SCTR: variants seen among roughly 807,000 people sequenced by gnomAD.
SCTR encodes the protein pancreatic secretin receptor.
In SCTR, 56 loss-of-function variants were observed where a neutral mutation model predicts 60.8. That is an observed-to-expected ratio of 0.92 (90% CI 0.74 to 1.15). The LOEUF is 1.15. Ranked by LOEUF, SCTR falls within the 50% of genes most tolerant of loss-of-function variation. The pLI, the probability that SCTR is intolerant of heterozygous loss-of-function variation, is 0.00. For synonymous variants in SCTR, 202 were observed against 217.0 expected, an observed-to-expected ratio of 0.93 and a Z score of 0.61; for missense variants, 562 against 550.4, an observed-to-expected ratio of 1.02 and a Z score of -0.21.
chr2:119,494,470 T>C lies in SCTR; in HGVS notation c.151A>G (p.Arg51Gly). 6.2e-7 allele frequency: 1 copy of C among 1,614,018 alleles called. No homozygotes were observed. The highest frequency in any genetic ancestry group is 8.5e-7 in the Non-Finnish European group (1 of 1,179,924). ...EQDQCLQELS[R>G]EQTGDLGTEQ... The stretch of plus-strand genomic sequence containing the variant: ...GTGCCCAGGTCTCCTGTCTGCTCTC[T>C]GGAGAGTTCCTGCAGGCACTGGTCT... The change falls in exon 2 of 13, where the codon AGA becomes GGA. Residue 51 changes from arginine to glycine, a missense_variant. Arg to Gly is a moderately radical substitution (Grantham distance 125). Transcript: ENST00000019103.
Position 119,464,213 on chromosome 2 carries a change from G to A in SCTR, c.546C>T (p.Phe182=), listed in dbSNP as rs563014852. 63 of 1,614,170 alleles carry A rather than the reference G, an allele frequency of 3.9e-5. No individual in the cohort carries two copies. The East Asian group carries it at 8.7e-4, about 22-fold the overall frequency. Residue 182 remains phenylalanine, a synonymous_variant, in exon 6 of 13, where the codon TTC becomes TTT. Coordinates refer to ENST00000019103, the MANE Select transcript of SCTR (RefSeq NM_002980.3). ...ACAGGGCACGAAGGATGAAGGACACGAACAGGTGCATGTGGATGTAGTTGC... is the reference window on the plus strand; with the variant it reads ...ACAGGGCACGAAGGATGAAGGACACAAACAGGTGCATGTGGATGTAGTTGC... ...CTRNYIHMHL[F]VSFILRALSN...
At chr2:119,511,041 C>T (rs1310086287) in intron 1 of SCTR, among the ~76,000 whole-genome samples, 1 of 143,218 alleles carries the variant, frequency 7.0e-6, no homozygotes, top group Non-Finnish European at 1.5e-5. Context: ...ACTAAAAATA[C>T]AAAAAAAAAA....
At chr2:119,494,393 C>A in intron 2 of SCTR, 35 bp downstream of exon 2, 2 of 1,608,742 alleles carry the variant, frequency 1.2e-6, no homozygotes, top group Non-Finnish European at 1.7e-6. Flanking sequence ...TGCTCCACCC[C>A]CAAGAGAGGA....
intron 1 of SCTR, among the ~76,000 whole-genome samples, chr2:119,521,393 C>A (rs1679282127): frequency 6.6e-6 from 1 of 152,148 alleles, no homozygotes; most frequent in Non-Finnish European, 1.5e-5. Context: ...GTGACAGACT[C>A]TAGGGATGAA....
intron 2 of SCTR, among the ~76,000 whole-genome samples, chr2:119,485,506 CTATT>C (rs1486038286): frequency 6.6e-6 from 1 of 152,192 alleles, no homozygotes; most frequent in African/African-American, 2.4e-5. Context: ...CTCCAGTCCT[CTATT>C]TATAAATAAG....
chr2:119,503,158 CAAAAAAAAAA>C (rs61479294), intron 1 of SCTR, among the ~76,000 whole-genome samples: 1 of 69,584 alleles, frequency 1.4e-5, no homozygotes, highest in African/African-American at 4.5e-5. Context: ...GACTCCATCT[CAAAAAAAAAA>C]AAAAAAAAAT....
chr2:119,497,132 T>C (rs751244055), intron 1 of SCTR, among the ~76,000 whole-genome samples: 10 of 152,098 alleles, frequency 6.6e-5, no homozygotes, highest in Admixed American at 1.3e-4. Context: ...AATGGAGAGT[T>C]GGGGTTTCCA....
chr2:119,494,413 T>C lies in SCTR; in HGVS notation c.193+15A>G. On this transcript the variant is annotated intron_variant, in intron 2 of 12. Coordinates refer to ENST00000019103, the MANE Select transcript of SCTR (RefSeq NM_002980.3). ...CACCCCCAAGAGAGGACATGGGCTG[T>C]GGCAAGCCTCATACCTGGCACTGGC... 6.2e-7 allele frequency: 1 copy of C among 1,612,896 alleles called. No individual in the cohort carries two copies. The highest frequency in any genetic ancestry group is 8.5e-7 in the Non-Finnish European group (1 of 1,179,436).
At chr2:119,512,331 TTCCCCTTCC>T in intron 1 of SCTR, among the ~76,000 whole-genome samples, 9 of 80,468 alleles carry the variant, frequency 1.1e-4, no homozygotes, top group Non-Finnish European at 2.0e-4. Context: ...CCCCTTCCCC[TTCCCCTTCC>T]CCTTCTCCTT....
chr2:119,512,457 C>T (rs565839869), intron 1 of SCTR, among the ~76,000 whole-genome samples: 12 of 151,876 alleles, frequency 7.9e-5, no homozygotes, highest in South Asian at 4.2e-4. Flanking sequence ...AGTGCAGTGG[C>T]GCAATCTCAG....
At chr2:119,441,933 C>T (rs1255354383) in intron 11 of SCTR, among the ~76,000 whole-genome samples, 1 of 152,176 alleles carries the variant, frequency 6.6e-6, no homozygotes, top group Non-Finnish European at 1.5e-5. Context: ...TGAAGTCCGC[C>T]CACTCTGCCA....
intron 11 of SCTR, 94 bp downstream of exon 11, chr2:119,446,665 G>A (rs964489215): frequency 2.6e-5 from 31 of 1,195,086 alleles, no homozygotes; most frequent in Non-Finnish European, 3.2e-5. Context: ...TGCCAGATAA[G>A]GCATCTGGCT....
intron 1 of SCTR, 117 bp downstream of exon 1, chr2:119,524,038 T>A: frequency 1.3e-6 from 1 of 758,108 alleles, no homozygotes; most frequent in African/African-American, 1.8e-5. Context: ...GAAGAGTCCC[T>A]ATTCCTCATG....
At chr2:119,440,832 C>G (rs1025914862) in intron 12 of SCTR, among the ~76,000 whole-genome samples, 6 of 152,192 alleles carry the variant, frequency 3.9e-5, no homozygotes, top group Admixed American at 2.0e-4. Flanking sequence ...TTGTAAATTT[C>G]CTTCACAATT....
At chr2:119,522,514 GAGGGATTGGGACCAT>G in intron 1 of SCTR, among the ~76,000 whole-genome samples, 1 of 152,198 alleles carries the variant, frequency 6.6e-6, no homozygotes, top group South Asian at 2.1e-4. Flanking sequence ...TTTTTAAAAT[GAGGGATTGGGACCAT>G]AGCATAATGA....
chr2:119,464,437 G>A (rs1683747391), intron 5 of SCTR, among the ~76,000 whole-genome samples, 182 bp from the exon 6 acceptor site: 1 of 146,778 alleles, frequency 6.8e-6, no homozygotes, highest in Admixed American at 6.8e-5. Flanking sequence ...AGTCTAATTT[G>A]CTACATGCTG....
In SCTR at chr2:119,479,348, G is replaced by T. The variant is rs148759303; in HGVS notation, c.194-430C>A. ...AGCTTTAGAAATAGACCTAGCCGGC[G>T]TGGCACACAGGGATCCTGCATGAAT... On this transcript the variant is annotated intron_variant, in intron 2 of 12. Coordinates refer to ENST00000019103, the MANE Select transcript of SCTR (RefSeq NM_002980.3). The T allele has an allele frequency of 2.9e-5, 26 of 906,772 alleles. No homozygotes were observed. In the African/African-American group the frequency reaches 4.5e-4, roughly 16 times the overall value. The allele number at this position is 906,772 out of a possible 1,614,324, so 56.2% of individuals were successfully genotyped here.
chr2:119,524,302 C>T lies in SCTR; in HGVS notation c.-76G>A, dbSNP rs958302067. 4.9e-6 allele frequency: 5 copies of T among 1,023,052 alleles called. No individual in the cohort carries two copies. The highest frequency in any genetic ancestry group is 6.6e-6 in the Non-Finnish European group (5 of 761,228). The allele number at this position is 1,023,052 out of a possible 1,614,324, so 63.4% of individuals were successfully genotyped here. ...TCTGCCCGCTCGGGAGCTCAGCGCC[C>T]CGCGCAGGGTCCCGGGCTCCGGCCG... is the stretch of plus-strand genomic sequence containing the variant. On this transcript the variant is annotated 5_prime_UTR_variant, in exon 1 of 13. Coordinates refer to ENST00000019103, the MANE Select transcript of SCTR (RefSeq NM_002980.3).
chr2:119,458,526 G>A (rs1009361936), intron 7 of SCTR, among the ~76,000 whole-genome samples: 4 of 151,760 alleles, frequency 2.6e-5, no homozygotes, highest in Admixed American at 6.6e-5. Flanking sequence ...GTGTGAACCC[G>A]GGAGGCGGAG....
Sources: gnomAD v4.1 joint callset for allele counts (sites outside exome capture counted in the v4.1 genomes callset) on GRCh38, gnomAD v4.1.1 for gene constraint, MANE v1.5 for transcripts, NCBI Gene and HGNC (gene_info 2026-07-23, HGNC 2026-07-21) for gene names.